PHC3: variants seen among roughly 807,000 people sequenced by gnomAD.
The protein encoded by PHC3 is polyhomeotic-like protein 3.
PHC3 carries 13 observed loss-of-function variants against 107.4 expected under a neutral mutation model. That is an observed-to-expected ratio of 0.12 (90% CI 0.08 to 0.19). The LOEUF (loss-of-function observed/expected upper bound fraction) is 0.19, where lower values mean the gene tolerates loss of function less well. Ranked by LOEUF, PHC3 falls within the 10% of genes least tolerant of loss-of-function variation. PHC3 has a pLI of 1.00. For missense variants in PHC3, 992 were observed against 1,210.9 expected, an observed-to-expected ratio of 0.82 and a Z score of 2.68; for synonymous variants, 456 against 427.4, an observed-to-expected ratio of 1.07 and a Z score of -0.83.
intron 7 of PHC3, among the ~76,000 whole-genome samples, chr3:170,130,523 G>T (rs1375502921): frequency 6.6e-6 from 1 of 152,114 alleles, no homozygotes; most frequent in Non-Finnish European, 1.5e-5. Context: ...AAATTTAGGG[G>T]CCATTCCAAA....
rs1421353892 is a variant in PHC3 at position 170,091,910 on chromosome 3, T to C, written c.*5320A>G. ...GAAGGTAATCTAATTTTAAATTTATTTGAAGAAAGCTTATATAACTACTGT... is the reference window on the plus strand; with the variant it reads ...GAAGGTAATCTAATTTTAAATTTATCTGAAGAAAGCTTATATAACTACTGT... On this transcript the variant is annotated 3_prime_UTR_variant, in exon 15 of 15. Transcript: ENST00000495893. The C allele has an allele frequency of 6.6e-6, 1 of 152,234 alleles. No homozygotes were observed. The highest frequency in any genetic ancestry group is 1.9e-4 in the East Asian group (1 of 5,204). The allele number at this position is 152,234 out of a possible 1,614,324, so 9.4% of individuals were successfully genotyped here. A position where few individuals can be genotyped will look rare whatever the true frequency, so the allele number is the denominator to read the frequency against.
chr3:170,144,030 G>GT (rs1195360158), intron 6 of PHC3, among the ~76,000 whole-genome samples: 3 of 151,854 alleles, frequency 2.0e-5, no homozygotes, highest in African/African-American at 7.3e-5. Flanking sequence ...GTATTCCACT[G>GT]TAAGAATATA....
chr3:170,126,605 G>A (rs1268357775), intron 8 of PHC3, among the ~76,000 whole-genome samples: 5 of 146,520 alleles, frequency 3.4e-5, no homozygotes, highest in African/African-American at 1.3e-4. Context: ...GCAGTGGTAC[G>A]ATCTCAGCTC....
At position 170,143,597 on chromosome 3, in the gene PHC3, TATTC is replaced by T. The variant is rs142401971; in HGVS notation, c.672+1822_672+1825del. Among the ~76,000 whole-genome samples, 255 of 152,324 alleles carry T rather than the reference TATTC, an allele frequency of 1.7e-3. 1 individual carries two copies. The highest frequency in any genetic ancestry group is 5.6e-3 in the African/African-American group (234 of 41,560). On this transcript the variant is annotated intron_variant, in intron 6 of 14. Transcript: ENST00000495893. ...CATTTCTGCCATATGCAGTCTAAAA[TATTC>T]ATTATGAAGAATACCAGAATACAGC...
At chr3:170,129,688 A>C in intron 7 of PHC3, 136 bp from the exon 8 acceptor site, 1 of 1,010,150 alleles carries the variant, frequency 9.9e-7, no homozygotes, top group Non-Finnish European at 1.4e-6. Flanking sequence ...AAACAAGAGT[A>C]ATTTGAAAAA....
chr3:170,122,826 C>T, intron 8 of PHC3, 82 bp from the exon 9 acceptor site: 1 of 1,477,540 alleles, frequency 6.8e-7, no homozygotes, highest in Admixed American at 2.1e-5. Context: ...AAATTAAATT[C>T]TATGTGTATT....
rs554637021 is a variant in PHC3 at position 170,163,627 on chromosome 3, C to T, written c.414+7746G>A. On this transcript the variant is annotated intron_variant, in intron 4 of 14. Coordinates refer to ENST00000495893, the MANE Select transcript of PHC3 (RefSeq NM_024947.4). ...CCTGTAATCCCAGAACTTCAGGAGG[C>T]CGAAGCAGGCTGATCACCTGAGGTC... Among the ~76,000 whole-genome samples, 9 of 152,126 alleles carry T rather than the reference C, an allele frequency of 5.9e-5. No homozygotes were observed. In the East Asian group the frequency reaches 1.7e-3, roughly 29 times the overall value.
At chr3:170,112,895 T>TA (rs1044522965) in intron 11 of PHC3, among the ~76,000 whole-genome samples, 1 of 152,168 alleles carries the variant, frequency 6.6e-6, no homozygotes, top group African/African-American at 2.4e-5. Flanking sequence ...AACCACCTCT[T>TA]GAATGAAGAG....
intron 9 of PHC3, among the ~76,000 whole-genome samples, chr3:170,118,436 G>A (rs1719478315): frequency 6.6e-6 from 1 of 152,038 alleles, no homozygotes. Context: ...TTTTGAGACG[G>A]AGTCTCGCTC....
At position 170,088,333 on chromosome 3, in the gene PHC3, CACA is replaced by C. The variant is rs1306444426; in HGVS notation, c.*8894_*8896del. The C allele has an allele frequency of 7.2e-5, 11 of 152,232 alleles. No homozygotes were observed. Among genetic ancestry groups the C allele is most frequent in the Admixed American group, 7.2e-4 (11 of 15,292 alleles). The allele number at this position is 152,232 out of a possible 1,614,324, so 9.4% of individuals were successfully genotyped here. On this transcript the variant is annotated 3_prime_UTR_variant, in exon 15 of 15. Transcript: ENST00000495893. ...AAGCATCCAAAAAACACCAGTTTAT[CACA>C]ACAATTGGTCTTTGCTAAAATTAAC...
chr3:170,130,645 T>C (rs1382756805), intron 7 of PHC3, among the ~76,000 whole-genome samples: 1 of 152,144 alleles, frequency 6.6e-6, no homozygotes, highest in Non-Finnish European at 1.5e-5. Context: ...ACTTCAATAA[T>C]TGATGTGACA....
chr3:170,130,027 A>G (rs1412556497), intron 7 of PHC3, among the ~76,000 whole-genome samples: 1 of 152,242 alleles, frequency 6.6e-6, no homozygotes. Context: ...TTATAGTTGG[A>G]AAACTAGAAA....
chr3:170,094,158 G>A lies in PHC3; in HGVS notation c.*3072C>T, dbSNP rs1266632812. ...AGGGAAATAATATGCTACTTAAAAA[G>A]TGACAGGAGGATTTGGGACAACACT... On this transcript the variant is annotated 3_prime_UTR_variant, in exon 15 of 15. Transcript: ENST00000495893. 4 of 152,186 alleles carry A rather than the reference G, an allele frequency of 2.6e-5. No individual in the cohort carries two copies. The highest frequency in any genetic ancestry group is 9.6e-5 in the African/African-American group (4 of 41,460). The allele number at this position is 152,186 out of a possible 1,614,324, so 9.4% of individuals were successfully genotyped here.
Position 170,102,630 on chromosome 3 carries a change from C to G in PHC3, c.2682G>C (p.Leu894=), listed in dbSNP as rs929162875. The G allele has an allele frequency of 2.5e-6, 4 of 1,613,868 alleles. No individual in the cohort carries two copies. Among genetic ancestry groups the G allele is most frequent in the Non-Finnish European group, 3.4e-6 (4 of 1,179,878 alleles). ...DSVPSAMTTR[L]RRQSERERER... ...CTCTTTCCCGCTCGCTCTGCCTGCG[C>G]AGACGAGTTGTCATAGCAGATGGCA... The change falls in exon 14 of 15, where the codon CTG becomes CTC. Residue 894 remains leucine (L), a synonymous_variant. Coordinates refer to ENST00000495893, the MANE Select transcript of PHC3 (RefSeq NM_024947.4).
intron 9 of PHC3, 57 bp downstream of exon 9, chr3:170,122,534 C>T: frequency 1.3e-6 from 2 of 1,568,618 alleles, no homozygotes; most frequent in Admixed American, 3.4e-5. Context: ...ATCAACTTTT[C>T]CTATTATTAA....
At position 170,129,356 on chromosome 3, in the gene PHC3, A is replaced by G. The variant is rs1721882622; in HGVS notation, c.1116T>C (p.Leu372=). ...ACTGGGCATTACTGGGAGCTGGAGG[A>G]AGGCCATGGTTCTGGAGTGGTATAC... ...QHCIPLQNHG[L]PPAPSNAQSQ... Residue 372 remains leucine, a synonymous_variant, in exon 8 of 15, where the codon CTT becomes CTC. Transcript: ENST00000495893. 1.9e-6 allele frequency: 3 copies of G among 1,613,906 alleles called. No individual in the cohort carries two copies. Among genetic ancestry groups the G allele is most frequent in the Non-Finnish European group, 1.7e-6 (2 of 1,179,862 alleles).
chr3:170,103,039 T>C, intron 12 of PHC3, 105 bp from the exon 13 acceptor site: 1 of 1,097,226 alleles, frequency 9.1e-7, no homozygotes, highest in African/African-American at 1.6e-5. Context: ...AGTACCACAA[T>C]ACATCATTAA....
chr3:170,162,452 AC>A (rs1728045906), intron 4 of PHC3, among the ~76,000 whole-genome samples: 1 of 151,664 alleles, frequency 6.6e-6, no homozygotes, highest in Non-Finnish European at 1.5e-5. Context: ...GTCATCCTTG[AC>A]TCCTCACATC....
At chr3:170,129,888 C>T (rs979873395) in intron 7 of PHC3, among the ~76,000 whole-genome samples, 2 of 152,060 alleles carry the variant, frequency 1.3e-5, no homozygotes, top group East Asian at 1.9e-4. Flanking sequence ...TTAGTAGAGA[C>T]GGGGTTTCAC....
Sources: gnomAD v4.1 joint callset for allele counts (sites outside exome capture counted in the v4.1 genomes callset) on GRCh38, gnomAD v4.1.1 for gene constraint, MANE v1.5 for transcripts, NCBI Gene and HGNC (gene_info 2026-07-23, HGNC 2026-07-21) for gene names.